The following USH1C variants were observed in gnomAD, a reference collection of about 807,000 sequenced individuals.
USH1C encodes the protein USH1 protein network component harmonin, also known as harmonin.
Under a neutral mutation model 119.3 loss-of-function variants are expected in USH1C, and 90 were observed. The ratio of observed to expected loss-of-function variants is 0.75; its 90% CI spans 0.64 to 0.90. The LOEUF is 0.90. Ranked by LOEUF, USH1C falls within the 40% of genes least tolerant of loss-of-function variation. The pLI, the probability that USH1C is intolerant of heterozygous loss-of-function variation, is 0.00. For synonymous variants in USH1C, 465 were observed against 443.3 expected, an observed-to-expected ratio of 1.05 and a Z score of -0.62; for missense variants, 1,165 against 1,167.7, an observed-to-expected ratio of 1.00 and a Z score of 0.03.
chr11:17,533,348 A>C, intron 1 of USH1C, 26 bp from the exon 2 acceptor site: 1 of 1,562,204 alleles, frequency 6.4e-7, no homozygotes, highest in Non-Finnish European at 8.8e-7. Flanking sequence ...GCAGAATCAC[A>C]GCTCCAGGCT....
At chr11:17,498,647 T>C (rs925997412) in intron 23 of USH1C, among the ~76,000 whole-genome samples, 1 of 152,212 alleles carries the variant, frequency 6.6e-6, no homozygotes, top group Non-Finnish European at 1.5e-5. Flanking sequence ...TGAGCTGCCA[T>C]GCTCTCTCCT....
At position 17,536,781 on chromosome 11, in the gene USH1C, G is replaced by A. The variant is rs529580264; in HGVS notation, c.37-3459C>T. 7.9e-5 allele frequency among the ~76,000 whole-genome samples: 12 copies of A among 152,358 alleles called. No homozygotes were observed. The South Asian group carries it at 1.7e-3, about 21-fold the overall frequency. ...ACTGGAATCTCCTTGTCCTCACTCA[G>A]AACATTCCATCTACCGCCATGTCTG... On this transcript the variant is annotated intron_variant, in intron 1 of 26. Coordinates refer to ENST00000005226, the MANE Select transcript of USH1C (RefSeq NM_153676.4).
Position 17,493,912 on chromosome 11 carries a change from C to T in USH1C, c.*420G>A, listed in dbSNP as rs149832912. On this transcript the variant is annotated 3_prime_UTR_variant, in exon 27 of 27. Transcript: ENST00000005226. ...CACTCCTATAAGCTGGAAAATAAAT[C>T]TATTTTATTAATGAGCTCAGAGTAA... 2.0e-5 allele frequency: 5 copies of T among 247,430 alleles called. No individual in the cohort carries two copies. Among genetic ancestry groups the T allele is most frequent in the African/African-American group, 1.1e-4 (5 of 45,614 alleles). The allele number at this position is 247,430 out of a possible 1,614,324, so 15.3% of individuals were successfully genotyped here.
chr11:17,507,451 T>C (rs1849696114), intron 18 of USH1C, among the ~76,000 whole-genome samples: 2 of 152,242 alleles, frequency 1.3e-5, no homozygotes, highest in African/African-American at 4.8e-5. Flanking sequence ...ATCTTGATCC[T>C]GACTCAAAGT....
chr11:17,513,159 GTTT>G (rs1849967335), intron 15 of USH1C, among the ~76,000 whole-genome samples: 1 of 152,282 alleles, frequency 6.6e-6, no homozygotes, highest in South Asian at 2.1e-4. Context: ...CGAGGTCCTA[GTTT>G]TTCTATGGTG....
At chr11:17,503,939 T>C (rs910610825) in intron 20 of USH1C, among the ~76,000 whole-genome samples, 1 of 152,220 alleles carries the variant, frequency 6.6e-6, no homozygotes, top group African/African-American at 2.4e-5. Context: ...TGTAGTCAAA[T>C]CAGCTTGTGG....
chr11:17,517,368 A>G lies in USH1C; in HGVS notation c.1211-1078T>C, dbSNP rs1270088468. The G allele has an allele frequency of 1.9e-6, 3 of 1,557,124 alleles. No homozygotes were observed. The Admixed American group carries it at 5.7e-5, about 30-fold the overall frequency. ...GGAGGCGGGCAGGGTAAAGCAGAGC[A>G]GCCAGGCCAGGGAGCAAAGCGGGGA... On this transcript the variant is annotated intron_variant, in intron 14 of 26. Transcript: ENST00000005226.
intron 4 of USH1C, among the ~76,000 whole-genome samples, chr11:17,530,369 C>T (rs914685368): frequency 2.0e-5 from 3 of 152,360 alleles, no homozygotes; most frequent in Admixed American, 6.5e-5. Context: ...GATTTCTGGG[C>T]TTGGCAGTCA....
At chr11:17,495,724 T>G (rs1849224734) in intron 25 of USH1C, 47 bp from the exon 26 acceptor site, 1 of 1,597,786 alleles carries the variant, frequency 6.3e-7, no homozygotes. Context: ...GCTTGGTTAC[T>G]CCCAGGCAGA....
chr11:17,506,768 C>G (rs915467281), intron 18 of USH1C, among the ~76,000 whole-genome samples: 2 of 152,214 alleles, frequency 1.3e-5, no homozygotes, highest in Non-Finnish European at 1.5e-5. Flanking sequence ...TTCCTCTACT[C>G]CAGCCCTCTT....
intron 17 of USH1C, among the ~76,000 whole-genome samples, 187 bp downstream of exon 17, chr11:17,510,218 A>G (rs991445065): frequency 3.3e-5 from 5 of 152,150 alleles, no homozygotes; most frequent in Non-Finnish European, 7.3e-5. Flanking sequence ...CTGGGAGTAT[A>G]CCCAGAAATA....
In USH1C at chr11:17,505,817, C is replaced by T. The variant is rs781564179; in HGVS notation, c.2133+13G>A. On this transcript the variant is annotated intron_variant, in intron 19 of 26. Transcript: ENST00000005226. Reference sequence around the variant, plus strand: ...CCTCTAGAGACAACCTGGAGGGGACCCAAGGGGCTTACCAGAACTTCAGAT... The same window carrying T: ...CCTCTAGAGACAACCTGGAGGGGACTCAAGGGGCTTACCAGAACTTCAGAT... The T allele has an allele frequency of 6.2e-7, 1 of 1,613,882 alleles. No individual in the cohort carries two copies. The highest frequency in any genetic ancestry group is 8.5e-7 in the Non-Finnish European group (1 of 1,179,866).
chr11:17,509,602 G>C lies in USH1C; in HGVS notation c.1767C>G (p.Ser589Arg), dbSNP rs770217616. The C allele has an allele frequency of 1.3e-6, 2 of 1,597,948 alleles. No individual in the cohort carries two copies. Among genetic ancestry groups the C allele is most frequent in the East Asian group, 4.5e-5 (2 of 44,360 alleles). Residue 589 changes from serine (S) to arginine (R), a missense_variant, in exon 18 of 27, where the codon AGC becomes AGG. By Grantham distance (110) the Ser-to-Arg change is moderately radical. Coordinates refer to ENST00000005226, the MANE Select transcript of USH1C (RefSeq NM_153676.4). ...GCTGCACCCATGGAGAGGATGAGGC[G>C]CTCACATGGCCAGATAAGGGAAGGA... ...PPVLPLSGHV[S>R]ASSSPWVQRT...
chr11:17,525,610 A>G lies in USH1C; in HGVS notation c.674+737T>C, dbSNP rs151142562. On this transcript the variant is annotated intron_variant, in intron 8 of 26. Coordinates refer to ENST00000005226, the MANE Select transcript of USH1C (RefSeq NM_153676.4). ...TCTTAAGTGGGAAAGCAGGGCTGGA[A>G]CTGGGATCTGAGTAACGGTGGCACC... Among the ~76,000 whole-genome samples the G allele has an allele frequency of 3.2e-3, 494 of 152,300 alleles. 2 individuals are homozygous for G. The highest frequency in any genetic ancestry group is 5.3e-3 in the Non-Finnish European group (360 of 68,014).
intron 4 of USH1C, among the ~76,000 whole-genome samples, chr11:17,530,317 T>C (rs1211751890): frequency 6.6e-6 from 1 of 152,172 alleles, no homozygotes; most frequent in Non-Finnish European, 1.5e-5. Flanking sequence ...GGCCCTGAGG[T>C]GTGGGGACCC....
intron 21 of USH1C, 62 bp downstream of exon 21, chr11:17,501,877 C>G (rs893028544): frequency 3.8e-6 from 6 of 1,583,352 alleles, no homozygotes; most frequent in African/African-American, 1.3e-5. Flanking sequence ...ATCAAACCCT[C>G]TAACCCCCAC....
chr11:17,516,584 A>T (rs1430734256), intron 14 of USH1C: 5 of 458,254 alleles, frequency 1.1e-5, no homozygotes, highest in Non-Finnish European at 2.0e-5. Flanking sequence ...AACATCAAAG[A>T]GAAAACCCCT....
intron 20 of USH1C, 49 bp from the exon 21 acceptor site, chr11:17,502,029 G>A (rs1399902536): frequency 1.3e-6 from 2 of 1,595,994 alleles, no homozygotes; most frequent in Non-Finnish European, 8.6e-7. Context: ...GGGTCTTGAG[G>A]GTCAGAGCCG....
At chr11:17,500,066 A>G (rs1849378628) in intron 23 of USH1C, among the ~76,000 whole-genome samples, 1 of 152,244 alleles carries the variant, frequency 6.6e-6, no homozygotes, top group South Asian at 2.1e-4. Context: ...GGGGTTTCAG[A>G]CACTGTCCGA....
Sources: allele counts gnomAD v4.1 joint callset (sites outside exome capture counted in the v4.1 genomes callset), GRCh38; gene constraint gnomAD v4.1.1; transcripts MANE v1.5; gene names NCBI Gene and HGNC (gene_info 2026-07-23, HGNC 2026-07-21).